Variants in CRK observed in about 807,000 individuals in gnomAD.
CRK encodes the protein adapter molecule crk.
A neutral mutation model predicts 29.8 loss-of-function variants in CRK; 4 were observed. The observed-to-expected ratio is 0.13, with a 90% confidence interval of 0.07 to 0.31. CRK has a LOEUF of 0.31. Among genes scored for constraint, CRK ranks in the 10% least tolerant of loss-of-function variants. The pLI, the probability that CRK is intolerant of heterozygous loss-of-function variation, is 1.00. For synonymous variants in CRK, 153 were observed against 164.9 expected, an observed-to-expected ratio of 0.93 and a Z score of 0.55; for missense variants, 274 against 396.5, an observed-to-expected ratio of 0.69 and a Z score of 2.62.
intron 2 of CRK, 114 bp downstream of exon 2, chr17:1,436,506 G>T: frequency 8.6e-7 from 1 of 1,163,372 alleles, no homozygotes; most frequent in Non-Finnish European, 1.2e-6. Context: ...GTGCTTAGCG[G>T]CTTGCCATCT....
chr17:1,453,118 G>A (rs1378763526), intron 1 of CRK, among the ~76,000 whole-genome samples: 3 of 152,070 alleles, frequency 2.0e-5, no homozygotes, highest in African/African-American at 7.2e-5. Flanking sequence ...GAGAGAAAAA[G>A]ACAGCAACTG....
At chr17:1,430,942 C>T (rs968199035) in intron 2 of CRK, among the ~76,000 whole-genome samples, 1 of 151,854 alleles carries the variant, frequency 6.6e-6, no homozygotes, top group Admixed American at 6.6e-5. Context: ...GTAGCAGGCG[C>T]CTGTAGTCCC....
At chr17:1,424,074 T>G (rs945876159) in intron 2 of CRK, among the ~76,000 whole-genome samples, 1 of 147,930 alleles carries the variant, frequency 6.8e-6, no homozygotes, top group Non-Finnish European at 1.5e-5. Context: ...TCCGTTTTTT[T>G]TTTTTTTTTT....
Position 1,422,934 on chromosome 17 carries a change from G to A in CRK, c.*579C>T, listed in dbSNP as rs1202198019. On this transcript the variant is annotated 3_prime_UTR_variant, in exon 3 of 3. Coordinates refer to ENST00000300574, the MANE Select transcript of CRK (RefSeq NM_016823.4). ...AGGGCTAAAAGAATCCCAAGAAAAA[G>A]TATGAAGCATTGACTAGGAGGGAAC... 5 of 398,912 alleles carry A rather than the reference G, an allele frequency of 1.3e-5. No individual in the cohort carries two copies. The highest frequency in any genetic ancestry group is 2.2e-5 in the Non-Finnish European group (5 of 226,124). 24.7% of individuals were successfully genotyped at this position (398,912 alleles called of 1,614,324 possible).
intron 2 of CRK, among the ~76,000 whole-genome samples, chr17:1,434,784 A>G (rs1030840552): frequency 8.1e-6 from 1 of 124,110 alleles, no homozygotes; most frequent in Non-Finnish European, 1.7e-5. Context: ...TTTCGTCTCA[A>G]AAAGAACCAA....
At chr17:1,430,942 C>A (rs968199035) in intron 2 of CRK, among the ~76,000 whole-genome samples, 19 of 151,854 alleles carry the variant, frequency 1.3e-4, no homozygotes, top group Non-Finnish European at 2.8e-4. Context: ...GTAGCAGGCG[C>A]CTGTAGTCCC....
intron 2 of CRK, among the ~76,000 whole-genome samples, chr17:1,428,118 CTTTTTTTT>C (rs55649851): frequency 1.1e-4 from 15 of 135,858 alleles, no homozygotes; most frequent in Admixed American, 1.0e-3. Context: ...TTCTTTCAGA[CTTTTTTTT>C]TTTTTTTTTT....
At chr17:1,440,832 G>T (rs2073929593) in intron 1 of CRK, among the ~76,000 whole-genome samples, 1 of 152,152 alleles carries the variant, frequency 6.6e-6, no homozygotes, top group Non-Finnish European at 1.5e-5. Flanking sequence ...TGAGCCCAGG[G>T]AGTCAAGGCT....
At position 1,427,737 on chromosome 17, in the gene CRK, C is replaced by A. The variant is rs1013993682; in HGVS notation, c.778-4087G>T. Among the ~76,000 whole-genome samples, 40 of 151,728 alleles carry A rather than the reference C, an allele frequency of 2.6e-4. 1 individual carries two copies. Among genetic ancestry groups the A allele is most frequent in the Admixed American group, 2.4e-3 (37 of 15,216 alleles). Reference sequence around the variant, plus strand: ...CTCCACCTGCCAGGTTCAAACAATTCTCCTGCCTCAGGCTCTCAAGTAGCT... The same window carrying A: ...CTCCACCTGCCAGGTTCAAACAATTATCCTGCCTCAGGCTCTCAAGTAGCT... On this transcript the variant is annotated intron_variant, in intron 2 of 2. Coordinates refer to ENST00000300574, the MANE Select transcript of CRK (RefSeq NM_016823.4).
At position 1,420,854 on chromosome 17, in the gene CRK, A is replaced by C. The variant is rs1367438404; in HGVS notation, c.*2659T>G. 3.3e-5 allele frequency: 5 copies of C among 152,132 alleles called. No homozygotes were observed. The highest frequency in any genetic ancestry group is 7.4e-5 in the Non-Finnish European group (5 of 68,022). 9.4% of individuals were successfully genotyped at this position (152,132 alleles called of 1,614,324 possible). A position where few individuals can be genotyped will look rare whatever the true frequency, so the allele number is the denominator to read the frequency against. ...ATACAATGGCACATGTTTATATTTT[A>C]TTTCAAATTGGTTTGCTTATCACCT... is the stretch of plus-strand genomic sequence containing the variant. On this transcript the variant is annotated 3_prime_UTR_variant, in exon 3 of 3. Transcript: ENST00000300574.
At position 1,423,145 on chromosome 17, in the gene CRK, A is replaced by C. The variant is rs938903940; in HGVS notation, c.*368T>G. 2 of 435,286 alleles carry C rather than the reference A, an allele frequency of 4.6e-6. No individual in the cohort carries two copies. The highest frequency in any genetic ancestry group is 8.1e-6 in the Non-Finnish European group (2 of 248,268). The allele number at this position is 435,286 out of a possible 1,614,324, so 27.0% of individuals were successfully genotyped here. A position where few individuals can be genotyped will look rare whatever the true frequency, so the allele number is the denominator to read the frequency against. ...GATAGTATGGTTCCAGAATGAAAAC[A>C]AAACCACTGAATAAATCAGGGTAAG... On this transcript the variant is annotated 3_prime_UTR_variant, in exon 3 of 3. Coordinates refer to ENST00000300574, the MANE Select transcript of CRK (RefSeq NM_016823.4).
At chr17:1,442,756 G>C (rs1182988804) in intron 1 of CRK, among the ~76,000 whole-genome samples, 2 of 151,326 alleles carry the variant, frequency 1.3e-5, no homozygotes, top group Non-Finnish European at 2.9e-5. Flanking sequence ...ACAGGTGTGT[G>C]CCACCATGCC....
Position 1,436,999 on chromosome 17 carries a change from T to G in CRK, c.398A>C (p.Glu133Ala). The G allele has an allele frequency of 6.2e-7, 1 of 1,614,094 alleles. No individual in the cohort carries two copies. Among genetic ancestry groups the G allele is most frequent in the Non-Finnish European group, 8.5e-7 (1 of 1,180,028 alleles). Residue 133 changes from glutamate (E) to alanine (A), a missense_variant, in exon 2 of 3, where the codon GAG becomes GCG. Physicochemically the swap from Glu to Ala is moderately radical, Grantham distance 107. Around this residue, in one of 3 missense-constraint regions of CRK, gnomAD observed 135 missense variants for 180.9 expected, o/e 0.75. Transcript: ENST00000300574. ...AAAGAGGGCTCGCACATACTCCGCC[T>G]CCTCCTGCCTGAGAATCACTCCACT... ...QGSGVILRQE[E>A]AEYVRALFDF... is the part of the protein sequence containing the mutation.
intron 1 of CRK, among the ~76,000 whole-genome samples, chr17:1,438,487 A>C (rs1417392467): frequency 6.6e-6 from 1 of 152,146 alleles, no homozygotes; most frequent in African/African-American, 2.4e-5. Flanking sequence ...GACAGCTAAA[A>C]GGTAAAAGAA....
At position 1,433,087 on chromosome 17, in the gene CRK, C is replaced by T. The variant is rs562445205; in HGVS notation, c.777+3533G>A. 2.6e-5 allele frequency among the ~76,000 whole-genome samples: 4 copies of T among 152,256 alleles called. 1 individual carries two copies. The highest frequency in any genetic ancestry group is 4.8e-5 in the African/African-American group (2 of 41,560). On this transcript the variant is annotated intron_variant, in intron 2 of 2. Coordinates refer to ENST00000300574, the MANE Select transcript of CRK (RefSeq NM_016823.4). ...GCTCTGTGTCGTTTTCAAGGCTAAT[C>T]GATCCTGGTGCAATCAGATCTAGAA... is the stretch of plus-strand genomic sequence containing the variant.
Position 1,445,128 on chromosome 17 carries a change from A to G in CRK, c.242-7973T>C, listed in dbSNP as rs546859127. ...GCGCCACTGTACTCCAGCCTGGGCG[A>G]CAGAGCGAGACACCGTCAAAAAAAA... On this transcript the variant is annotated intron_variant, in intron 1 of 2. Transcript: ENST00000300574. Among the ~76,000 whole-genome samples, 222 of 142,560 alleles carry G rather than the reference A, an allele frequency of 1.6e-3. 1 individual carries two copies. Among genetic ancestry groups the G allele is most frequent in the African/African-American group, 5.2e-3 (204 of 39,164 alleles). The allele number at this position is 142,560 out of a possible 152,430, so 93.5% of individuals were successfully genotyped here.
Position 1,456,049 on chromosome 17 carries a change from C to G in CRK, c.69G>C (p.Ala23=), listed in dbSNP as rs764075517. Residue 23 remains alanine (A), a synonymous_variant, in exon 1 of 3, where the codon GCG becomes GCC. Transcript: ENST00000300574. ...GCCGCTGGCCCTGCAGCAGCGCCAC[C>G]GCCTCCTGCCGACTCAACCTCCCCC... is the stretch of plus-strand genomic sequence containing the variant. ...WYWGRLSRQE[A]VALLQGQRHG... 1 of 1,593,348 alleles carries G rather than the reference C, an allele frequency of 6.3e-7. No homozygotes were observed. The highest frequency in any genetic ancestry group is 1.1e-5 in the South Asian group (1 of 88,772).
Position 1,421,270 on chromosome 17 carries a change from C to G in CRK, c.*2243G>C, listed in dbSNP as rs200800532. The G allele has an allele frequency of 7.5e-6, 1 of 132,720 alleles. No individual in the cohort carries two copies. The highest frequency in any genetic ancestry group is 2.6e-4 in the South Asian group (1 of 3,806). 8.2% of individuals were successfully genotyped at this position (132,720 alleles called of 1,614,324 possible). The stretch of plus-strand genomic sequence containing the variant: ...TTACATATGATGAAAAGAGACATTA[C>G]AAGCCAATATCAAAGTCAAAGGAAA... On this transcript the variant is annotated 3_prime_UTR_variant, in exon 3 of 3. Coordinates refer to ENST00000300574, the MANE Select transcript of CRK (RefSeq NM_016823.4).
At chr17:1,451,192 CAAAAAA>C (rs10691537) in intron 1 of CRK, among the ~76,000 whole-genome samples, 25 of 66,974 alleles carry the variant, frequency 3.7e-4, no homozygotes, top group African/African-American at 1.5e-3. Flanking sequence ...GAAACTGTCT[CAAAAAA>C]AAAAAAAAAA....
Sources: gnomAD v4.1 joint callset for allele counts (sites outside exome capture counted in the v4.1 genomes callset) on GRCh38, gnomAD v4.1.1 for gene constraint, gnomAD v4.1.1 regional missense constraint, MANE v1.5 for transcripts, NCBI Gene and HGNC (gene_info 2026-07-23, HGNC 2026-07-21) for gene names.